The following RORA variants were observed in gnomAD, a reference collection of about 807,000 sequenced individuals.
RORA encodes RAR related orphan receptor A, also known as nuclear receptor ROR-alpha.
A neutral mutation model predicts 69.5 loss-of-function variants in RORA; 7 were observed. The ratio of observed to expected loss-of-function variants is 0.10; its 90% CI spans 0.06 to 0.19. The LOEUF is 0.19. Among genes scored for constraint, RORA ranks in the 10% least tolerant of loss-of-function variants. RORA has a pLI of 1.00. For missense variants in RORA, 457 were observed against 663.0 expected (o/e 0.69, Z 3.41); for synonymous variants, 261 against 240.8 (o/e 1.08, Z -0.78).
At chr15:61,040,112 T>TTA (rs1566958130) in intron 1 of RORA, among the ~76,000 whole-genome samples, 1 of 57,636 alleles carries the variant, frequency 1.7e-5, no homozygotes, top group Non-Finnish European at 3.3e-5. Context: ...TCACAAGCTT[T>TTA]GATATATATA....
intron 1 of RORA, among the ~76,000 whole-genome samples, chr15:61,020,725 T>C (rs1895482501): frequency 6.6e-6 from 1 of 152,192 alleles, no homozygotes; most frequent in African/African-American, 2.4e-5. Flanking sequence ...ATCATTGAAC[T>C]TGAAGCTGGA....
At chr15:60,940,153 C>T (rs1434770931) in intron 1 of RORA, among the ~76,000 whole-genome samples, 2 of 152,090 alleles carry the variant, frequency 1.3e-5, no homozygotes, top group Non-Finnish European at 2.9e-5. Context: ...GGTGAACATT[C>T]TAAGATCCTA....
intron 1 of RORA, among the ~76,000 whole-genome samples, chr15:61,029,888 G>A (rs968528274): frequency 1.3e-5 from 2 of 152,102 alleles, no homozygotes; most frequent in Non-Finnish European, 2.9e-5. Flanking sequence ...GAGCTCACTG[G>A]AGAGGCCTGG....
chr15:60,679,330 C>T (rs938714558), intron 1 of RORA, among the ~76,000 whole-genome samples: 2 of 152,128 alleles, frequency 1.3e-5, no homozygotes, highest in African/African-American at 2.4e-5. Flanking sequence ...AAAACACGAG[C>T]GATTCATGAG....
At chr15:60,626,688 G>A (rs908997506) in intron 2 of RORA, among the ~76,000 whole-genome samples, 1 of 152,020 alleles carries the variant, frequency 6.6e-6, no homozygotes, top group Non-Finnish European at 1.5e-5. Context: ...AGAGTGGGTG[G>A]GCCGCACAGA....
At chr15:60,708,341 GA>G (rs1408818748) in intron 1 of RORA, among the ~76,000 whole-genome samples, 3 of 150,630 alleles carry the variant, frequency 2.0e-5, no homozygotes, top group Admixed American at 1.3e-4. Flanking sequence ...AGAATCGCTT[GA>G]ATCCAGGAGG....
intron 1 of RORA, among the ~76,000 whole-genome samples, chr15:60,809,128 C>T (rs1825166): frequency 0.35 from 53,817 of 151,928 alleles, 11,158 homozygotes; most frequent in Non-Finnish European, 0.46. Context: ...AAAGAACTTA[C>T]TCATGTAACC....
At position 60,820,956 on chromosome 15, in the gene RORA, C is replaced by T. The variant is rs117887853; in HGVS notation, c.167-142270G>A. On this transcript the variant is annotated intron_variant, in intron 1 of 10. Coordinates refer to ENST00000335670, the MANE Select transcript of RORA (RefSeq NM_134261.3). ...GTAAATGGGGTGGTTGATCTCTAAC[C>T]CCCACCCCCCACCCCAGCTCTGCAA... Among the ~76,000 whole-genome samples the T allele has an allele frequency of 7.2e-3, 870 of 121,448 alleles. 18 individuals are homozygous for T. The highest frequency in any genetic ancestry group is 0.05 in the East Asian group (196 of 3,916). The allele number at this position is 121,448 out of a possible 152,430, so 79.7% of individuals were successfully genotyped here.
At chr15:61,156,786 C>T (rs2079448034) in intron 1 of RORA, among the ~76,000 whole-genome samples, 1 of 152,154 alleles carries the variant, frequency 6.6e-6, no homozygotes, top group Non-Finnish European at 1.5e-5. Context: ...ATAAATTTGT[C>T]AAAGTCACAC....
rs544269881 is a variant in RORA at position 60,640,652 on chromosome 15, C to G, written c.196+38005G>C. Among the ~76,000 whole-genome samples the G allele has an allele frequency of 2.6e-5, 4 of 152,112 alleles. No individual in the cohort carries two copies. In the East Asian group the frequency reaches 7.7e-4, roughly 29 times the overall value. On this transcript the variant is annotated intron_variant, in intron 2 of 10. Coordinates refer to ENST00000335670, the MANE Select transcript of RORA (RefSeq NM_134261.3). Reference sequence around the variant, plus strand: ...TTTTTTTTTTCCGGTTGTACTGGCCCTTTTCAGTTTCCAGAACACTCCAAG... The same window carrying G: ...TTTTTTTTTTCCGGTTGTACTGGCCGTTTTCAGTTTCCAGAACACTCCAAG...
chr15:60,628,068 C>T (rs1215584609), intron 2 of RORA, among the ~76,000 whole-genome samples: 4 of 152,144 alleles, frequency 2.6e-5, no homozygotes, highest in African/African-American at 9.7e-5. Context: ...ATCTGGTTAA[C>T]GTATTGCTTT....
intron 1 of RORA, among the ~76,000 whole-genome samples, chr15:61,173,049 A>C (rs981452611): frequency 1.3e-5 from 2 of 152,106 alleles, no homozygotes; most frequent in African/African-American, 4.8e-5. Flanking sequence ...TGGTTTTTAA[A>C]TTTTATTTTA....
chr15:61,182,867 C>G (rs1172704083), intron 1 of RORA: 2 of 152,310 alleles, frequency 1.3e-5, no homozygotes, highest in Non-Finnish European at 2.9e-5. Context: ...CTCCCTTTAA[C>G]CAGGAGAAAA....
At chr15:61,107,006 A>C (rs531441712) in intron 1 of RORA, among the ~76,000 whole-genome samples, 1 of 152,274 alleles carries the variant, frequency 6.6e-6, no homozygotes, top group East Asian at 1.9e-4. Context: ...CTCCTCCTAC[A>C]CACATCATCC....
At chr15:61,000,734 C>G (rs964882266) in intron 1 of RORA, among the ~76,000 whole-genome samples, 2 of 152,132 alleles carry the variant, frequency 1.3e-5, no homozygotes, top group African/African-American at 4.8e-5. Context: ...TTATAAGAGG[C>G]TTTAGGGAAA....
intron 1 of RORA, among the ~76,000 whole-genome samples, chr15:61,033,154 T>C (rs909852929): frequency 2.6e-5 from 4 of 152,176 alleles, no homozygotes; most frequent in Non-Finnish European, 1.5e-5. Context: ...TTGTGCATGT[T>C]GATCACTGAG....
chr15:60,721,929 C>T (rs140691041), intron 1 of RORA, among the ~76,000 whole-genome samples: 18 of 152,364 alleles, frequency 1.2e-4, no homozygotes, highest in Non-Finnish European at 1.9e-4. Context: ...TCGCCCTAGA[C>T]GGCGTGCAAC....
chr15:60,970,868 A>G (rs975055694), intron 1 of RORA, among the ~76,000 whole-genome samples: 5 of 152,150 alleles, frequency 3.3e-5, no homozygotes, highest in Admixed American at 1.3e-4. Flanking sequence ...TGAAGCAATT[A>G]AGCAAAAATG....
intron 2 of RORA, among the ~76,000 whole-genome samples, chr15:60,579,112 A>C (rs971663059): frequency 1.3e-5 from 2 of 149,424 alleles, no homozygotes; most frequent in Non-Finnish European, 3.0e-5. Context: ...GTAATGAAGA[A>C]TACCATGACT....
Sources: gnomAD v4.1 joint callset for allele counts (sites outside exome capture counted in the v4.1 genomes callset) on GRCh38, gnomAD v4.1.1 for gene constraint, MANE v1.5 for transcripts, NCBI Gene and HGNC (gene_info 2026-07-23, HGNC 2026-07-21) for gene names.